SRRM2: variants seen among roughly 807,000 people sequenced by gnomAD.
SRRM2 encodes serine/arginine repetitive matrix protein 2.
Under a neutral mutation model 213.8 loss-of-function variants are expected in SRRM2, and 30 were observed. The observed-to-expected ratio is 0.14, with a 90% CI of 0.10 to 0.19. The LOEUF is 0.19. Ranked by LOEUF, SRRM2 falls within the 10% of genes least tolerant of loss-of-function variation. The pLI is 1.00. For synonymous variants in SRRM2, 2,025 were observed against 1,377.7 expected, an observed-to-expected ratio of 1.47 and a Z score of -10.40; for missense variants, 4,904 against 3,647.0, an observed-to-expected ratio of 1.34 and a Z score of -8.88.
In SRRM2 at chr16:2,756,324, T is replaced by C; in HGVS notation, c.-31-10T>C. On this transcript the variant is annotated splice_polypyrimidine_tract_variant and intron_variant, in intron 1 of 14. Transcript: ENST00000301740. ...AGGGGCCTGACCCGTGTCTCCCCGC[T>C]CCCCCTCAGGAGCGGTGGTGCCCCC... is the stretch of plus-strand genomic sequence containing the variant. The C allele has an allele frequency of 6.5e-7, 1 of 1,547,380 alleles. No individual in the cohort carries two copies. The highest frequency in any genetic ancestry group is 8.7e-7 in the Non-Finnish European group (1 of 1,152,638).
In SRRM2 at chr16:2,764,091, G is replaced by C; in HGVS notation, c.3563G>C (p.Ser1188Thr). 6.2e-7 allele frequency: 1 copy of C among 1,614,158 alleles called. No homozygotes were observed. The highest frequency in any genetic ancestry group is 8.5e-7 in the Non-Finnish European group (1 of 1,180,042). Residue 1188 changes from serine to threonine, a missense_variant, in exon 11 of 15, where the codon AGT becomes ACT. Physicochemically the swap from Ser to Thr is moderately conservative, Grantham distance 58. Transcript: ENST00000301740. ...ASPPRQKDKFSPFPVQDRPES... is the reference protein window; with the variant it reads ...ASPPRQKDKFTPFPVQDRPES... ...CCTCCTAGACAGAAAGACAAATTTA[G>C]TCCCTTTCCAGTACAGGATAGGCCT...
Position 2,764,359 on chromosome 16 carries a change from G to A in SRRM2, c.3831G>A (p.Arg1277=), listed in dbSNP as rs776095132. The change falls in exon 11 of 15, where the codon AGG becomes AGA. Residue 1277 remains arginine (R), a synonymous_variant. Coordinates refer to ENST00000301740, the MANE Select transcript of SRRM2 (RefSeq NM_016333.4). ...AATCATCTCCTGAAGTAGAAGAAAG[G>A]CCTGCTGTGTCTTTGACTCTTGATC... ...NFESSPEVEE[R]PAVSLTLDQS... The A allele has an allele frequency of 1.9e-6, 3 of 1,614,006 alleles. No individual in the cohort carries two copies. Among genetic ancestry groups the A allele is most frequent in the African/African-American group, 1.3e-5 (1 of 74,906 alleles).
At chr16:2,760,689 C>G (rs1199030113) in intron 10 of SRRM2, 190 bp downstream of exon 10, 1 of 616,066 alleles carries the variant, frequency 1.6e-6, no homozygotes, top group Non-Finnish European at 2.8e-6. Context: ...AATTGTGAAC[C>G]CTTTAGAATC....
Position 2,766,525 on chromosome 16 carries a change from T to A in SRRM2, c.5997T>A (p.Ser1999=), listed in dbSNP as rs753491560. ...GAAGGAGATCTCGATCTCGCACATC[T>A]CCAGTAACTCGAAGAAGGTCCCGCT... ...VTRRRSRSRT[S]PVTRRRSRSR... Residue 1999 remains serine (S), a synonymous_variant, in exon 11 of 15, where the codon TCT becomes TCA. Transcript: ENST00000301740. The surrounding 1 kb of genome is among the most constrained non-coding windows in gnomAD (Gnocchi z 7.0). The A allele has an allele frequency of 6.2e-7, 1 of 1,613,180 alleles. No individual in the cohort carries two copies. Among genetic ancestry groups the A allele is most frequent in the Non-Finnish European group, 8.5e-7 (1 of 1,179,782 alleles).
Position 2,768,031 on chromosome 16 carries a change from G to A in SRRM2, c.7503G>A (p.Val2501=), listed in dbSNP as rs1326830225. The A allele has an allele frequency of 3.7e-6, 6 of 1,614,178 alleles. No individual in the cohort carries two copies. The highest frequency in any genetic ancestry group is 5.1e-6 in the Non-Finnish European group (6 of 1,180,018). ...NGMLSVPAPG[V]PHSDVGEPPA... ...TGCTCTCTGTCCCTGCCCCTGGGGT[G>A]CCCCACTCTGATGTGGGGGAGCCAC... is the stretch of plus-strand genomic sequence containing the variant. The change falls in exon 11 of 15, where the codon GTG becomes GTA. Residue 2501 remains valine (V), a synonymous_variant. Coordinates refer to ENST00000301740, the MANE Select transcript of SRRM2 (RefSeq NM_016333.4).
At chr16:2,754,203 T>C (rs879564069) in intron 1 of SRRM2, among the ~76,000 whole-genome samples, 1 of 152,122 alleles carries the variant, frequency 6.6e-6, no homozygotes, top group African/African-American at 2.4e-5. Flanking sequence ...GGTCGTCGTC[T>C]TTTTTTGTGG....
chr16:2,766,381 A>G lies in SRRM2; in HGVS notation c.5853A>G (p.Pro1951=), dbSNP rs1275204841. 6.2e-7 allele frequency: 1 copy of G among 1,613,256 alleles called. No homozygotes were observed. Among genetic ancestry groups the G allele is most frequent in the Middle Eastern group, 1.7e-4 (1 of 6,060 alleles). ...GCCGCCGCTCCCGTTCTAGAACTCC[A>G]CCAGTGACTCGCAGAAGGTCCAGAT... ...TTRRRSRSRT[P]PVTRRRSRSR... Residue 1951 remains proline, a synonymous_variant, in exon 11 of 15, where the codon CCA becomes CCG. Transcript: ENST00000301740. The surrounding 1 kb of genome is among the most constrained non-coding windows in gnomAD (Gnocchi z 7.0).
At chr16:2,756,775 G>C (rs1002306819) in intron 2 of SRRM2, among the ~76,000 whole-genome samples, 169 bp downstream of exon 2, 2 of 152,160 alleles carry the variant, frequency 1.3e-5, no homozygotes, top group African/African-American at 2.4e-5. Flanking sequence ...GGACAGTGCA[G>C]AGTGGGAAAT....
chr16:2,759,368 A>T lies in SRRM2; in HGVS notation c.706A>T (p.Ser236Cys). Residue 236 changes from serine to cysteine, a missense_variant, in exon 8 of 15, where the codon AGC becomes TGC. Physicochemically the swap from Ser to Cys is moderately radical, Grantham distance 112. Coordinates refer to ENST00000301740, the MANE Select transcript of SRRM2 (RefSeq NM_016333.4). The part of the protein sequence containing the change: ...KRKHRSPTPK[S>C]KRKSKDKKRK... ...ATTTCCCAGGTCTCCCACTCCAAAGAGCAAACGTAAATCTAAGGACAAAAA... is the reference window on the plus strand; with the variant it reads ...ATTTCCCAGGTCTCCCACTCCAAAGTGCAAACGTAAATCTAAGGACAAAAA... The T allele has an allele frequency of 6.3e-7, 1 of 1,598,478 alleles. No individual in the cohort carries two copies. The highest frequency in any genetic ancestry group is 8.5e-7 in the Non-Finnish European group (1 of 1,175,986).
At position 2,767,215 on chromosome 16, in the gene SRRM2, C is replaced by G; in HGVS notation, c.6687C>G (p.Ala2229=). Residue 2229 remains alanine (A), a synonymous_variant, in exon 11 of 15, where the codon GCC becomes GCG. Transcript: ENST00000301740. ...SLRTAPAANL[A]SRIPAASAAA... is the part of the protein sequence containing the mutation. ...GAACCGCACCAGCAGCCAACCTTGC[C>G]AGCAGGATTCCTGCAGCCTCTGCGG... 3 of 1,614,204 alleles carry G rather than the reference C, an allele frequency of 1.9e-6. No homozygotes were observed. Among genetic ancestry groups the G allele is most frequent in the Non-Finnish European group, 2.5e-6 (3 of 1,180,040 alleles).
At chr16:2,769,419 C>T in intron 12 of SRRM2, 135 bp downstream of exon 12, 1 of 993,650 alleles carries the variant, frequency 1.0e-6, no homozygotes, top group Non-Finnish European at 1.5e-6. Context: ...GAGGCACTTG[C>T]TCTCCTCTCC....
chr16:2,762,656 C>T lies in SRRM2; in HGVS notation c.2128C>T (p.Arg710Cys), dbSNP rs760251553. The T allele has an allele frequency of 9.3e-6, 15 of 1,614,140 alleles. No individual in the cohort carries two copies. Among genetic ancestry groups the T allele is most frequent in the South Asian group, 3.3e-5 (3 of 91,072 alleles). ...GRSRSRSLVR[R>C]GRSHSRTPQR... Reference sequence around the variant, plus strand: ...ATCCCGCAGTAGAAGCTTAGTTAGACGTGGAAGATCTCACTCTAGAACACC... The same window carrying T: ...ATCCCGCAGTAGAAGCTTAGTTAGATGTGGAAGATCTCACTCTAGAACACC... The change falls in exon 11 of 15, where the codon CGT (arginine) becomes TGT (cysteine). Residue 710 changes from arginine to cysteine, a missense_variant. Transcript: ENST00000301740.
Position 2,757,507 on chromosome 16 carries a change from C to A in SRRM2, c.278C>A (p.Thr93Asn). Residue 93 changes from threonine to asparagine, a missense_variant, in exon 3 of 15, where the codon ACC becomes AAC. Thr to Asn is a moderately conservative substitution (Grantham distance 65, BLOSUM62 0). Transcript: ENST00000301740. ...EEQQIQEKVA[T>N]FRLMLLEKDV... ...CAGCAAATTCAGGAAAAAGTGGCGACCTTTCGACTCATGTTGCTGGAGAAG... is the reference window on the plus strand; with the variant it reads ...CAGCAAATTCAGGAAAAAGTGGCGAACTTTCGACTCATGTTGCTGGAGAAG... The A allele has an allele frequency of 1.9e-6, 3 of 1,614,004 alleles. No homozygotes were observed. Among genetic ancestry groups the A allele is most frequent in the Non-Finnish European group, 2.5e-6 (3 of 1,179,988 alleles).
intron 5 of SRRM2, 186 bp from the exon 6 acceptor site, chr16:2,758,799 T>C (rs971313549): frequency 1.4e-5 from 10 of 723,630 alleles, no homozygotes; most frequent in Admixed American, 5.9e-5. Flanking sequence ...ATTTTGAGGT[T>C]TGTTGACTTA....
At position 2,765,121 on chromosome 16, in the gene SRRM2, T is replaced by A; in HGVS notation, c.4593T>A (p.Thr1531=). 5 of 1,614,182 alleles carry A rather than the reference T, an allele frequency of 3.1e-6. No individual in the cohort carries two copies. The highest frequency in any genetic ancestry group is 3.4e-6 in the Non-Finnish European group (4 of 1,180,034). ...SSVDQKTVAR[T]PLGQRSRSGS... ...TTGATCAGAAAACTGTGGCTCGGAC[T>A]CCCCTGGGGCAGAGAAGTCGTTCGG... Residue 1531 remains threonine (T), a synonymous_variant, in exon 11 of 15, where the codon ACT becomes ACA. Coordinates refer to ENST00000301740, the MANE Select transcript of SRRM2 (RefSeq NM_016333.4).
At chr16:2,756,636 C>G (rs373667193) in intron 2 of SRRM2, 30 bp downstream of exon 2, 3 of 1,595,130 alleles carry the variant, frequency 1.9e-6, no homozygotes, top group East Asian at 2.2e-5. Context: ...GAGTCAAGCA[C>G]TGAATGAGTG....
intron 9 of SRRM2, 139 bp from the exon 10 acceptor site, chr16:2,760,162 A>C: frequency 1.3e-6 from 1 of 783,170 alleles, no homozygotes; most frequent in Admixed American, 2.3e-5. Context: ...TCAGTGAATG[A>C]TTTGAGTTGT....
intron 1 of SRRM2, 150 bp downstream of exon 1, chr16:2,752,996 C>T (rs999708279): frequency 1.3e-5 from 2 of 153,284 alleles, no homozygotes; most frequent in East Asian, 1.9e-4. Flanking sequence ...GCCCTCGCCT[C>T]CCTTCCCCCT....
rs534163723 is a variant in SRRM2 at position 2,771,113 on chromosome 16, T to C, written c.*246T>C. ...GGTGGGAGGGAATGCAGATGGGAGT[T>C]GGGGGAGGGGAGGATACAGTTCAGG... is the stretch of plus-strand genomic sequence containing the variant. On this transcript the variant is annotated 3_prime_UTR_variant, in exon 15 of 15. Transcript: ENST00000301740. The C allele has an allele frequency of 2.2e-3, 1,088 of 502,798 alleles. 3 individuals carry two copies. The highest frequency in any genetic ancestry group is 5.8e-3 in the South Asian group (264 of 45,416). The allele number at this position is 502,798 out of a possible 1,614,324, so 31.1% of individuals were successfully genotyped here.
Sources: allele counts gnomAD v4.1 joint callset (sites outside exome capture counted in the v4.1 genomes callset), GRCh38; gene constraint gnomAD v4.1.1; non-coding constraint Gnocchi (gnomAD v3.1); transcripts MANE v1.5; gene names NCBI Gene and HGNC (gene_info 2026-07-23, HGNC 2026-07-21).